Variants in SNTG2 observed in about 807,000 individuals in gnomAD.
SNTG2 encodes the protein syntrophin gamma 2.
SNTG2 carries 74 observed loss-of-function variants against 70.9 expected under a neutral mutation model. The ratio of observed to expected loss-of-function variants is 1.04; its 90% confidence interval spans 0.86 to 1.27. SNTG2 has a LOEUF of 1.27. SNTG2 is among the 50% of genes most tolerant of loss of function. The pLI, the probability that SNTG2 is intolerant of heterozygous loss-of-function variation, is 0.00. For missense variants in SNTG2, 717 were observed against 690.7 expected, an observed-to-expected ratio of 1.04 and a Z score of -0.43; for synonymous variants, 278 against 273.8, an observed-to-expected ratio of 1.02 and a Z score of -0.15.
chr2:1,274,837 T>G (rs1679205624), intron 14 of SNTG2, among the ~76,000 whole-genome samples: 2 of 152,194 alleles, frequency 1.3e-5, no homozygotes, highest in African/African-American at 2.4e-5. Context: ...GGGAGAGTCT[T>G]AGTTTATTTA....
At chr2:1,269,339 A>G (rs1289552115) in intron 14 of SNTG2, among the ~76,000 whole-genome samples, 1 of 152,072 alleles carries the variant, frequency 6.6e-6, no homozygotes, top group Non-Finnish European at 1.5e-5. Context: ...GAAACCTAGA[A>G]GCCCCATCTC....
chr2:1,322,360 G>A (rs1054308902), intron 16 of SNTG2, among the ~76,000 whole-genome samples: 1 of 152,070 alleles, frequency 6.6e-6, no homozygotes, highest in Non-Finnish European at 1.5e-5. Flanking sequence ...GAATATTTAG[G>A]GCCCTAGGAG....
chr2:1,174,010 C>A (rs1671305627), intron 8 of SNTG2, among the ~76,000 whole-genome samples: 1 of 152,190 alleles, frequency 6.6e-6, no homozygotes, highest in Non-Finnish European at 1.5e-5. Context: ...GAAAAATATT[C>A]ATGTTTGTAC....
chr2:1,350,069 C>T (rs1234666441), intron 16 of SNTG2, among the ~76,000 whole-genome samples: 1 of 152,056 alleles, frequency 6.6e-6, no homozygotes, highest in East Asian at 1.9e-4. Context: ...AAGAAGTATG[C>T]CCATTTAGGA....
intron 14 of SNTG2, among the ~76,000 whole-genome samples, chr2:1,268,712 C>G (rs998984517): frequency 6.6e-6 from 1 of 152,204 alleles, no homozygotes; most frequent in Non-Finnish European, 1.5e-5. Flanking sequence ...GGGACTTACT[C>G]AAATGTATAG....
At chr2:1,040,505 C>T (rs1237770074) in intron 1 of SNTG2, among the ~76,000 whole-genome samples, 2 of 152,236 alleles carry the variant, frequency 1.3e-5, no homozygotes, top group African/African-American at 2.4e-5. Flanking sequence ...CTGACTTCCT[C>T]TGGCCTCCAG....
chr2:1,141,627 T>C (rs1668754694), intron 6 of SNTG2, among the ~76,000 whole-genome samples: 1 of 152,138 alleles, frequency 6.6e-6, no homozygotes, highest in African/African-American at 2.4e-5. Context: ...TCCACATCTT[T>C]CAAGTTTTCC....
intron 8 of SNTG2, 93 bp downstream of exon 8, chr2:1,173,276 G>T (rs1052920918): frequency 2.7e-6 from 3 of 1,119,434 alleles, no homozygotes; most frequent in Non-Finnish European, 3.9e-6. Flanking sequence ...ATGCTGTACT[G>T]CCCAGTGAAG....
At chr2:1,037,493 A>G (rs79650077) in intron 1 of SNTG2, among the ~76,000 whole-genome samples, 1,676 of 152,184 alleles carry the variant, frequency 0.011, 35 homozygotes, top group African/African-American at 0.038. Flanking sequence ...AGCCATTTAC[A>G]GCCATTTTGC....
intron 16 of SNTG2, chr2:1,354,011 C>T (rs1407196706): frequency 2.0e-5 from 3 of 152,156 alleles, no homozygotes; most frequent in Non-Finnish European, 2.9e-5. Flanking sequence ...AGGATAGAGC[C>T]TCATGGCGTC....
chr2:1,072,354 T>C (rs1364870439), intron 1 of SNTG2, among the ~76,000 whole-genome samples: 1 of 147,364 alleles, frequency 6.8e-6, no homozygotes. Context: ...TTTTTCTTTT[T>C]TTTTTTTTTT....
intron 1 of SNTG2, among the ~76,000 whole-genome samples, chr2:1,027,419 G>A (rs540696859): frequency 1.3e-4 from 19 of 151,928 alleles, no homozygotes; most frequent in Non-Finnish European, 2.4e-4. Context: ...AAAGAGATAA[G>A]CAGGTGCGTC....
At chr2:1,236,488 G>A (rs182773293) in intron 9 of SNTG2, among the ~76,000 whole-genome samples, 98 of 152,176 alleles carry the variant, frequency 6.4e-4, no homozygotes, top group African/African-American at 2.2e-3. Context: ...TCCCCTCTCC[G>A]GCTCCACACA....
chr2:1,204,975 T>C (rs566554941), intron 8 of SNTG2, among the ~76,000 whole-genome samples: 1 of 152,334 alleles, frequency 6.6e-6, no homozygotes, highest in African/African-American at 2.4e-5. Context: ...TGTATGTCTT[T>C]AAAAATTATT....
intron 1 of SNTG2, among the ~76,000 whole-genome samples, chr2:1,044,192 T>C (rs1413722479): frequency 6.6e-6 from 1 of 152,128 alleles, no homozygotes; most frequent in African/African-American, 2.4e-5. Context: ...CTGTTGTGAA[T>C]TTGGCTCTCA....
chr2:1,230,813 T>A (rs925543444), intron 9 of SNTG2, among the ~76,000 whole-genome samples: 6 of 152,194 alleles, frequency 3.9e-5, no homozygotes, highest in African/African-American at 1.4e-4. Flanking sequence ...CCTGTGCAGT[T>A]GAAATGACAG....
intron 1 of SNTG2, among the ~76,000 whole-genome samples, chr2:1,017,614 A>G (rs891793429): frequency 5.3e-5 from 8 of 152,226 alleles, no homozygotes; most frequent in African/African-American, 1.9e-4. Context: ...GTAGGTTAAA[A>G]TTGTATAAAG....
chr2:1,327,100 G>A (rs996802616), intron 16 of SNTG2, among the ~76,000 whole-genome samples: 2 of 151,768 alleles, frequency 1.3e-5, no homozygotes, highest in Admixed American at 6.6e-5. Flanking sequence ...AGTTTTTGTT[G>A]CTGGAAATTA....
At chr2:992,081 C>A (rs536451860) in intron 1 of SNTG2, among the ~76,000 whole-genome samples, 1 of 151,930 alleles carries the variant, frequency 6.6e-6, no homozygotes, top group African/African-American at 2.4e-5. Flanking sequence ...ATGAGGCATG[C>A]GAAGCAGATA....
Sources: gnomAD v4.1 joint callset for allele counts (sites outside exome capture counted in the v4.1 genomes callset) on GRCh38, gnomAD v4.1.1 for gene constraint, MANE v1.5 for transcripts, NCBI Gene and HGNC (gene_info 2026-07-23, HGNC 2026-07-21) for gene names.